Variants in THRB observed in about 807,000 individuals in gnomAD.
THRB encodes the protein nuclear receptor subfamily 1 group A member 2.
THRB carries 12 observed loss-of-function variants against 47.8 expected under a neutral mutation model. The observed-to-expected ratio is 0.25, with a 90% CI of 0.16 to 0.41. The LOEUF is 0.41. Ranked by LOEUF, THRB falls within the 10% of genes least tolerant of loss-of-function variation. The pLI is 1.00. For missense variants in THRB, 348 were observed against 589.2 expected (o/e 0.59, Z 4.24); for synonymous variants, 218 against 212.2 (o/e 1.03, Z -0.24).
chr3:24,342,669 G>GATC (rs1295349911), intron 1 of THRB, among the ~76,000 whole-genome samples: 6 of 152,176 alleles, frequency 3.9e-5, no homozygotes, highest in Non-Finnish European at 7.3e-5. Context: ...GCATGGAGAG[G>GATC]ATCTGTGGGC....
chr3:24,465,098 T>G (rs1023452416), intron 1 of THRB, among the ~76,000 whole-genome samples: 5 of 152,216 alleles, frequency 3.3e-5, no homozygotes, highest in Non-Finnish European at 7.3e-5. Flanking sequence ...AAATATATTC[T>G]GCAGTAGTTA....
At chr3:24,306,988 C>CT (rs1325772564) in intron 2 of THRB, among the ~76,000 whole-genome samples, 1 of 151,818 alleles carries the variant, frequency 6.6e-6, no homozygotes, top group African/African-American at 2.4e-5. Flanking sequence ...ACAGATCATT[C>CT]TTTTTTTCTC....
intron 1 of THRB, among the ~76,000 whole-genome samples, chr3:24,338,099 A>T (rs2062384407): frequency 6.6e-6 from 1 of 152,200 alleles, no homozygotes; most frequent in Non-Finnish European, 1.5e-5. Flanking sequence ...TAACGTAGAA[A>T]TTTTAGAAAA....
At chr3:24,346,253 A>G (rs1224662529) in intron 1 of THRB, among the ~76,000 whole-genome samples, 3 of 152,120 alleles carry the variant, frequency 2.0e-5, no homozygotes, top group African/African-American at 7.2e-5. Context: ...GAAAGTAGTC[A>G]AAGTCACAAC....
intron 3 of THRB, among the ~76,000 whole-genome samples, chr3:24,275,621 C>T (rs2053841891): frequency 6.6e-6 from 1 of 152,192 alleles, no homozygotes; most frequent in African/African-American, 2.4e-5. Flanking sequence ...TTGTTAGATT[C>T]CAACATGAGC....
chr3:24,455,758 G>C (rs913648962), intron 1 of THRB, among the ~76,000 whole-genome samples: 3 of 152,124 alleles, frequency 2.0e-5, no homozygotes, highest in Non-Finnish European at 1.5e-5. Flanking sequence ...AAAGAGAACT[G>C]TATTATAAGA....
intron 3 of THRB, among the ~76,000 whole-genome samples, chr3:24,231,406 T>C (rs2048250103): frequency 6.6e-6 from 1 of 152,160 alleles, no homozygotes; most frequent in African/African-American, 2.4e-5. Context: ...CTTAATTCTA[T>C]ATAAGACTTT....
chr3:24,389,221 T>C (rs1009797153), intron 1 of THRB, among the ~76,000 whole-genome samples: 1 of 152,144 alleles, frequency 6.6e-6, no homozygotes. Flanking sequence ...TATCATAGAA[T>C]TCCTTTACTG....
intron 4 of THRB, among the ~76,000 whole-genome samples, chr3:24,226,645 G>A (rs2047682829): frequency 6.6e-6 from 1 of 152,150 alleles, no homozygotes; most frequent in African/African-American, 2.4e-5. Flanking sequence ...CTAGGAGTGG[G>A]CCTAGATTCC....
intron 2 of THRB, among the ~76,000 whole-genome samples, chr3:24,326,755 TC>T: frequency 7.4e-6 from 1 of 135,668 alleles, no homozygotes. Flanking sequence ...TCCAGTCTTG[TC>T]TTTTTTTTTT....
At chr3:24,128,863 C>CTTTTTTTTTTT (rs57890674) in intron 9 of THRB, among the ~76,000 whole-genome samples, 3,678 of 86,790 alleles carry the variant, frequency 0.042, 680 homozygotes, top group East Asian at 0.17. Context: ...AAACATAACT[C>CTTTTTTTTTTT]TTTTTTTTTT....
At chr3:24,402,955 T>G (rs1243179663) in intron 1 of THRB, among the ~76,000 whole-genome samples, 1 of 152,050 alleles carries the variant, frequency 6.6e-6, no homozygotes, top group Non-Finnish European at 1.5e-5. Flanking sequence ...TAGAGTGACC[T>G]TATTTAAAGA....
chr3:24,380,100 A>G (rs1377683387), intron 1 of THRB, among the ~76,000 whole-genome samples: 2 of 149,408 alleles, frequency 1.3e-5, no homozygotes, highest in Non-Finnish European at 3.0e-5. Flanking sequence ...ATAGGCCACT[A>G]TTAATAATTG....
intron 1 of THRB, among the ~76,000 whole-genome samples, chr3:24,345,489 C>T (rs1301263935): frequency 6.6e-6 from 1 of 152,076 alleles, no homozygotes; most frequent in African/African-American, 2.4e-5. Context: ...CAAATAGACA[C>T]TTTAGGCATG....
At chr3:24,325,028 A>G (rs557662607) in intron 2 of THRB, among the ~76,000 whole-genome samples, 1 of 152,224 alleles carries the variant, frequency 6.6e-6, no homozygotes, top group Non-Finnish European at 1.5e-5. Context: ...GTCAGGGTCT[A>G]TCTCTTCAGA....
At chr3:24,308,226 C>T (rs2057498468) in intron 2 of THRB, among the ~76,000 whole-genome samples, 1 of 152,040 alleles carries the variant, frequency 6.6e-6, no homozygotes, top group Non-Finnish European at 1.5e-5. Context: ...GGCAGTTGAA[C>T]TTACTAAGGG....
At chr3:24,138,847 C>T (rs2035051757) in intron 8 of THRB, among the ~76,000 whole-genome samples, 1 of 152,192 alleles carries the variant, frequency 6.6e-6, no homozygotes, top group African/African-American at 2.4e-5. Flanking sequence ...GGAAAGGTCT[C>T]CTCTGATCCT....
At chr3:24,221,299 G>C (rs1457518254) in intron 4 of THRB, among the ~76,000 whole-genome samples, 1 of 152,192 alleles carries the variant, frequency 6.6e-6, no homozygotes, top group Non-Finnish European at 1.5e-5. Flanking sequence ...ACCTATATAT[G>C]TGCAACTGCT....
At chr3:24,400,652 A>T (rs527840237) in intron 1 of THRB, among the ~76,000 whole-genome samples, 5 of 152,156 alleles carry the variant, frequency 3.3e-5, no homozygotes, top group Admixed American at 6.6e-5. Context: ...GGCCAGACAG[A>T]TCTCCAGGTT....
Sources: allele counts gnomAD v4.1 joint callset (sites outside exome capture counted in the v4.1 genomes callset), GRCh38; gene constraint gnomAD v4.1.1; transcripts MANE v1.5; gene names NCBI Gene and HGNC (gene_info 2026-07-23, HGNC 2026-07-21).